Variants in PARD3 observed in about 807,000 individuals in gnomAD.
PARD3 encodes the protein par-3 family cell polarity regulator.
Under a neutral mutation model 155.4 loss-of-function variants are expected in PARD3, and 75 were observed. That is an observed-to-expected ratio of 0.48 (90% CI 0.40 to 0.58). The LOEUF (loss-of-function observed/expected upper bound fraction) is 0.58. PARD3 is among the 20% of genes least tolerant of loss of function. The pLI is 0.00. For missense variants in PARD3, 1,642 were observed against 1,721.7 expected (o/e 0.95, Z 0.82); for synonymous variants, 576 against 610.5 (o/e 0.94, Z 0.83).
At chr10:34,633,499 C>T (rs1357308550) in intron 2 of PARD3, among the ~76,000 whole-genome samples, 2 of 152,218 alleles carry the variant, frequency 1.3e-5, no homozygotes, top group Non-Finnish European at 2.9e-5. Flanking sequence ...TAGTTCCATA[C>T]ACGTTGTCAC....
intron 22 of PARD3, among the ~76,000 whole-genome samples, chr10:34,196,643 G>T (rs1249643530): frequency 7.5e-6 from 1 of 133,654 alleles, no homozygotes; most frequent in Non-Finnish European, 1.5e-5. Flanking sequence ...GCTCGATCTT[G>T]GCTCACTGCA....
chr10:34,442,238 AC>A (rs1374142196), intron 5 of PARD3, among the ~76,000 whole-genome samples: 1 of 152,176 alleles, frequency 6.6e-6, no homozygotes, highest in African/African-American at 2.4e-5. Context: ...AACCCAAAAA[AC>A]CCACATCTTA....
rs548068617 is a variant in PARD3, at chr10:34,311,273, A to T, written c.3065+5834T>A. On this transcript the variant is annotated intron_variant, in intron 20 of 24. Coordinates refer to ENST00000374788, the MANE Select transcript of PARD3 (RefSeq NM_001184785.2). ...TTCAGTTATTTATTTTTTTTTATTT[A>T]TTTTTTTTAATAGAGACAGGGCCTT... Among the ~76,000 whole-genome samples the T allele has an allele frequency of 5.3e-3, 804 of 151,832 alleles. 7 individuals are homozygous for T. The highest frequency in any genetic ancestry group is 0.014 in the African/African-American group (573 of 41,394).
intron 1 of PARD3, among the ~76,000 whole-genome samples, chr10:34,798,735 G>A (rs987378975): frequency 1.3e-5 from 2 of 151,488 alleles, no homozygotes; most frequent in Non-Finnish European, 2.9e-5. Context: ...CACACATACA[G>A]GCTGATCCAC....
chr10:34,619,534 T>A (rs2091486015), intron 2 of PARD3, among the ~76,000 whole-genome samples: 1 of 152,228 alleles, frequency 6.6e-6, no homozygotes, highest in East Asian at 1.9e-4. Context: ...TAATGTTATT[T>A]GCCAACTTTT....
At chr10:34,432,373 C>T (rs2075989867) in intron 5 of PARD3, among the ~76,000 whole-genome samples, 1 of 140,144 alleles carries the variant, frequency 7.1e-6, no homozygotes, top group Non-Finnish European at 1.6e-5. Flanking sequence ...CACACACACA[C>T]ACAGAGGAGT....
intron 22 of PARD3, among the ~76,000 whole-genome samples, chr10:34,223,661 A>G (rs1317167580): frequency 6.6e-6 from 1 of 152,246 alleles, no homozygotes; most frequent in Non-Finnish European, 1.5e-5. Context: ...GAGAAATTGT[A>G]TGGGCTTAGC....
intron 2 of PARD3, among the ~76,000 whole-genome samples, chr10:34,625,593 T>A (rs1231335467): frequency 1.3e-5 from 2 of 152,142 alleles, no homozygotes; most frequent in African/African-American, 4.8e-5. Flanking sequence ...AACAAAGGAA[T>A]TGAAGGGATT....
Position 34,331,251 on chromosome 10 carries a change from T to C in PARD3, c.2699A>G (p.Asn900Ser), listed in dbSNP as rs1372362054. The C allele has an allele frequency of 5.0e-6, 8 of 1,613,968 alleles. No individual in the cohort carries two copies. Among genetic ancestry groups the C allele is most frequent in the Non-Finnish European group, 5.9e-6 (7 of 1,179,952 alleles). ...TGGACGATGGAAAGGAATATCCCCA[T>C]TCAAAGTCACCTCGGCAACTGCGGT... ...LQTAVAEVTLNGDIPFHRPRP... is the reference protein window; with the variant it reads ...LQTAVAEVTLSGDIPFHRPRP... Residue 900 changes from asparagine (N) to serine (S), a missense_variant, in exon 19 of 25, where the codon AAT becomes AGT. Around this residue, in one of 3 missense-constraint regions of PARD3, gnomAD observed 1,529 missense variants for 1,587.3 expected, o/e 0.96. Coordinates refer to ENST00000374788, the MANE Select transcript of PARD3 (RefSeq NM_001184785.2).
At chr10:34,663,017 T>G (rs1004806422) in intron 2 of PARD3, among the ~76,000 whole-genome samples, 2 of 152,040 alleles carry the variant, frequency 1.3e-5, no homozygotes, top group African/African-American at 4.8e-5. Flanking sequence ...GAGTAGATGA[T>G]GGTTACCAGA....
chr10:34,592,637 G>A (rs757732825), intron 2 of PARD3, among the ~76,000 whole-genome samples: 34 of 152,090 alleles, frequency 2.2e-4, no homozygotes, highest in Non-Finnish European at 1.2e-4. Flanking sequence ...TTAGCCGAGC[G>A]TGGTGGCACA....
intron 2 of PARD3, among the ~76,000 whole-genome samples, chr10:34,630,036 C>G (rs1300724296): frequency 6.6e-6 from 1 of 152,102 alleles, no homozygotes; most frequent in African/African-American, 2.4e-5. Context: ...AAACGTGTAG[C>G]CCCTACACAG....
chr10:34,795,080 C>G (rs933492552), intron 1 of PARD3, among the ~76,000 whole-genome samples: 5 of 152,212 alleles, frequency 3.3e-5, no homozygotes, highest in Non-Finnish European at 5.9e-5. Context: ...AGAGTGACAG[C>G]TGCTTCTTCC....
At chr10:34,246,735 G>A (rs906621379) in intron 22 of PARD3, among the ~76,000 whole-genome samples, 7 of 152,078 alleles carry the variant, frequency 4.6e-5, no homozygotes, top group African/African-American at 1.2e-4. Context: ...TAGTACCCAC[G>A]CAGAGGAGGA....
chr10:34,723,537 A>G lies in PARD3; in HGVS notation c.121-27118T>C, dbSNP rs1231238788. ...TTTTAAGGTCACCTCTGATAAGATC[A>G]TAAACTTCTTTGAGCTCATATCACC... On this transcript the variant is annotated intron_variant, in intron 1 of 24. Coordinates refer to ENST00000374788, the MANE Select transcript of PARD3 (RefSeq NM_001184785.2). Among the ~76,000 whole-genome samples the G allele has an allele frequency of 3.9e-5, 6 of 152,346 alleles. No individual in the cohort carries two copies. The South Asian group carries it at 6.2e-4, about 16-fold the overall frequency.
rs1415289364 is a variant in PARD3 at position 34,378,081 on chromosome 10, G to A, written c.1425C>T (p.Ile475=). ...CACCTATTGTTACATCTCTGGAAGT[G>A]ATGCTGAATCCCAAACCTTCTGTAC... ...KKGTEGLGFS[I]TSRDVTIGGS... is the part of the protein sequence containing the mutation. The change falls in exon 10 of 25, where the codon ATC becomes ATT. Residue 475 remains isoleucine (I), a synonymous_variant. Coordinates refer to ENST00000374788, the MANE Select transcript of PARD3 (RefSeq NM_001184785.2). The A allele has an allele frequency of 6.3e-7, 1 of 1,594,354 alleles. No homozygotes were observed. Among genetic ancestry groups the A allele is most frequent in the Admixed American group, 1.8e-5 (1 of 56,100 alleles).
At chr10:34,179,348 C>T (rs558825435) in intron 22 of PARD3, among the ~76,000 whole-genome samples, 1 of 152,252 alleles carries the variant, frequency 6.6e-6, no homozygotes, top group Non-Finnish European at 1.5e-5. Flanking sequence ...TCCAAATACC[C>T]GTGGATAAAC....
At chr10:34,686,976 G>A (rs1042647069) in intron 2 of PARD3, among the ~76,000 whole-genome samples, 2 of 152,050 alleles carry the variant, frequency 1.3e-5, no homozygotes, top group Non-Finnish European at 2.9e-5. Flanking sequence ...TTGAACCCAA[G>A]AGGCAGAGGT....
chr10:34,765,073 G>C (rs1309924706), intron 1 of PARD3, among the ~76,000 whole-genome samples: 1 of 152,198 alleles, frequency 6.6e-6, no homozygotes, highest in African/African-American at 2.4e-5. Flanking sequence ...TGGTATACGA[G>C]AGCCAAAAGT....
Sources: gnomAD v4.1 joint callset for allele counts (sites outside exome capture counted in the v4.1 genomes callset) on GRCh38, gnomAD v4.1.1 for gene constraint, gnomAD v4.1.1 regional missense constraint, MANE v1.5 for transcripts, NCBI Gene and HGNC (gene_info 2026-07-23, HGNC 2026-07-21) for gene names.